The following ZFPM2 variants were observed in gnomAD, a reference collection of about 807,000 sequenced individuals.
ZFPM2 encodes zinc finger protein, FOG family member 2, also known as zinc finger protein ZFPM2.
A neutral mutation model predicts 98.6 loss-of-function variants in ZFPM2; 20 were observed. The observed-to-expected ratio is 0.20, with a 90% CI of 0.14 to 0.29. The LOEUF (loss-of-function observed/expected upper bound fraction) is 0.29. Ranked by LOEUF, ZFPM2 falls within the 10% of genes least tolerant of loss-of-function variation. The pLI is 1.00. For missense variants in ZFPM2, 1,310 were observed against 1,388.6 expected (o/e 0.94, Z 0.90); for synonymous variants, 518 against 502.7 (o/e 1.03, Z -0.41).
intron 5 of ZFPM2, among the ~76,000 whole-genome samples, chr8:105,688,450 A>T (rs1810796089): frequency 6.6e-6 from 1 of 152,270 alleles, no homozygotes; most frequent in Admixed American, 6.5e-5. Flanking sequence ...AAATTATTTG[A>T]CACTAGTTGC....
intron 6 of ZFPM2, among the ~76,000 whole-genome samples, chr8:105,789,542 C>T (rs1358702816): frequency 6.6e-6 from 1 of 152,062 alleles, no homozygotes; most frequent in African/African-American, 2.4e-5. Context: ...CTGCAATAAA[C>T]ATACGTGTGC....
chr8:105,404,320 G>T (rs1056499703), intron 1 of ZFPM2, among the ~76,000 whole-genome samples: 1 of 151,970 alleles, frequency 6.6e-6, no homozygotes, highest in African/African-American at 2.4e-5. Flanking sequence ...TTATTGTCTA[G>T]CCTATTTTAG....
At chr8:105,393,539 GC>G (rs1439222577) in intron 1 of ZFPM2, among the ~76,000 whole-genome samples, 1 of 152,034 alleles carries the variant, frequency 6.6e-6, no homozygotes, top group African/African-American at 2.4e-5. Context: ...TCAGAGCTTG[GC>G]CTTTTTCTTC....
intron 3 of ZFPM2, among the ~76,000 whole-genome samples, chr8:105,464,525 A>C (rs1171404814): frequency 1.3e-5 from 2 of 151,974 alleles, no homozygotes; most frequent in Admixed American, 6.6e-5. Context: ...GAGAGAGAAA[A>C]CCATCAGTCA....
chr8:105,776,927 A>G (rs1028409043), intron 5 of ZFPM2, among the ~76,000 whole-genome samples: 1 of 152,232 alleles, frequency 6.6e-6, no homozygotes, highest in African/African-American at 2.4e-5. Flanking sequence ...ACATATGTGT[A>G]AAAGCAGAAT....
chr8:105,422,001 C>T (rs914162984), intron 2 of ZFPM2, among the ~76,000 whole-genome samples: 5 of 141,724 alleles, frequency 3.5e-5, no homozygotes, highest in South Asian at 2.3e-4. Flanking sequence ...GAGTTGAGAT[C>T]GCACCACCGC....
chr8:105,323,123 C>T (rs1812058558), intron 1 of ZFPM2, among the ~76,000 whole-genome samples: 1 of 151,518 alleles, frequency 6.6e-6, no homozygotes, highest in African/African-American at 2.4e-5. Context: ...TTTCATTGTT[C>T]TATGGGTCTT....
chr8:105,549,702 C>G (rs1404350298), intron 3 of ZFPM2, among the ~76,000 whole-genome samples: 4 of 151,712 alleles, frequency 2.6e-5, no homozygotes, highest in Admixed American at 6.6e-5. Context: ...GCCTCCAACT[C>G]CTGGGCTTAA....
chr8:105,557,566 A>G (rs1815026430), intron 3 of ZFPM2, among the ~76,000 whole-genome samples: 1 of 152,120 alleles, frequency 6.6e-6, no homozygotes, highest in Non-Finnish European at 1.5e-5. Context: ...AACAATCACT[A>G]AGTTCTATGA....
intron 1 of ZFPM2, among the ~76,000 whole-genome samples, chr8:105,377,691 GA>G (rs1433132835): frequency 6.6e-6 from 1 of 151,006 alleles, no homozygotes; most frequent in Non-Finnish European, 1.5e-5. Context: ...GAGGCATGAG[GA>G]TCGCTTGAAC....
intron 4 of ZFPM2, among the ~76,000 whole-genome samples, chr8:105,621,450 T>C (rs1221369123): frequency 1.3e-5 from 2 of 152,190 alleles, no homozygotes; most frequent in African/African-American, 4.8e-5. Flanking sequence ...GTTTTCTAAA[T>C]ATACAATCAT....
At chr8:105,422,034 C>A (rs1055563475) in intron 2 of ZFPM2, among the ~76,000 whole-genome samples, 5 of 114,478 alleles carry the variant, frequency 4.4e-5, no homozygotes, top group Admixed American at 2.6e-4. Flanking sequence ...GCGACGGGAG[C>A]GAGACTCCAT....
At chr8:105,421,657 A>T (rs1198678132) in intron 2 of ZFPM2, among the ~76,000 whole-genome samples, 1 of 152,170 alleles carries the variant, frequency 6.6e-6, no homozygotes, top group Admixed American at 6.5e-5. Context: ...TTCTCTCTGG[A>T]AAATTAGAAA....
In ZFPM2 at chr8:105,544,363, C is replaced by T. The variant is rs146513460; in HGVS notation, c.302-17000C>T. ...GATTTGTAATTGGAGTCTTCCTTAC[C>T]CTCCCCTAATGATGTTGGCTTTTTC... On this transcript the variant is annotated intron_variant, in intron 3 of 7. Coordinates refer to ENST00000407775, the MANE Select transcript of ZFPM2 (RefSeq NM_012082.4). Among the ~76,000 whole-genome samples, 726 of 152,144 alleles carry T rather than the reference C, an allele frequency of 4.8e-3. 3 individuals carry two copies. The highest frequency in any genetic ancestry group is 0.024 in the Middle Eastern group (7 of 294).
chr8:105,782,759 A>T (rs1292989094), intron 5 of ZFPM2, among the ~76,000 whole-genome samples: 1 of 152,162 alleles, frequency 6.6e-6, no homozygotes, highest in Non-Finnish European at 1.5e-5. Context: ...ATATATTTAC[A>T]TTGCCATATG....
intron 1 of ZFPM2, among the ~76,000 whole-genome samples, chr8:105,364,228 A>G (rs1810464730): frequency 6.6e-6 from 1 of 152,104 alleles, no homozygotes; most frequent in African/African-American, 2.4e-5. Flanking sequence ...GTAAATTTTT[A>G]TAATGCTATA....
intron 5 of ZFPM2, among the ~76,000 whole-genome samples, chr8:105,722,182 C>T (rs752007023): frequency 6.6e-6 from 1 of 151,558 alleles, no homozygotes; most frequent in Non-Finnish European, 1.5e-5. Flanking sequence ...GCCTTGTACC[C>T]CTCTGAAGCT....
At chr8:105,688,616 T>G (rs1810801412) in intron 5 of ZFPM2, among the ~76,000 whole-genome samples, 1 of 152,094 alleles carries the variant, frequency 6.6e-6, no homozygotes, top group African/African-American at 2.4e-5. Flanking sequence ...ATTTTTTTGT[T>G]GAAAACAAAT....
At chr8:105,734,058 T>A in intron 5 of ZFPM2, among the ~76,000 whole-genome samples, 1 of 151,894 alleles carries the variant, frequency 6.6e-6, no homozygotes, top group Admixed American at 6.6e-5. Context: ...TATACTGCCC[T>A]TGACTGCCAA....
Sources: allele counts gnomAD v4.1 joint callset (sites outside exome capture counted in the v4.1 genomes callset), GRCh38; gene constraint gnomAD v4.1.1; transcripts MANE v1.5; gene names NCBI Gene and HGNC (gene_info 2026-07-23, HGNC 2026-07-21).